AMDHD1: variants seen among roughly 807,000 people sequenced by gnomAD.
AMDHD1 encodes probable imidazolonepropionase.
A neutral mutation model predicts 44.1 loss-of-function variants in AMDHD1; 45 were observed. The ratio of observed to expected loss-of-function variants is 1.02; its 90% CI spans 0.80 to 1.31. The LOEUF (loss-of-function observed/expected upper bound fraction) is 1.31. AMDHD1 is among the 50% of genes most tolerant of loss of function. AMDHD1 has a pLI of 0.00. For missense variants in AMDHD1, 586 were observed against 552.1 expected, an observed-to-expected ratio of 1.06 and a Z score of -0.61; for synonymous variants, 206 against 205.0, an observed-to-expected ratio of 1.00 and a Z score of -0.04.
At chr12:95,964,365 G>C (rs2080598150) in intron 6 of AMDHD1, among the ~76,000 whole-genome samples, 2 of 152,248 alleles carry the variant, frequency 1.3e-5, no homozygotes, top group Non-Finnish European at 2.9e-5. Flanking sequence ...ATTGCCTTAT[G>C]CTACTTAAGG....
chr12:95,943,451 T>A lies in AMDHD1; in HGVS notation c.53T>A (p.Val18Glu). ...GAGAACGCGCAGCAAGTGGTGCTGG[T>A]GTGCGCCCGCGGCGAGCGCTTCCTG... ...LLENAQQVVLVCARGERFLAR... is the reference protein window; with the variant it reads ...LLENAQQVVLECARGERFLAR... Residue 18 changes from valine (V) to glutamate (E), a missense_variant, in exon 1 of 9, where the codon GTG becomes GAG. By Grantham distance (121) the Val-to-Glu change is moderately radical (BLOSUM62 -2). Coordinates refer to ENST00000266736, the MANE Select transcript of AMDHD1 (RefSeq NM_152435.3). The A allele has an allele frequency of 6.6e-7, 1 of 1,505,588 alleles. No individual in the cohort carries two copies. Among genetic ancestry groups the A allele is most frequent in the Non-Finnish European group, 8.8e-7 (1 of 1,132,396 alleles). 93.3% of individuals were successfully genotyped at this position (1,505,588 alleles called of 1,614,324 possible).
Position 95,956,739 on chromosome 12 carries a change from A to G in AMDHD1, c.364A>G (p.Thr122Ala). The G allele has an allele frequency of 6.2e-7, 1 of 1,614,100 alleles. No homozygotes were observed. Among genetic ancestry groups the G allele is most frequent in the Non-Finnish European group, 8.5e-7 (1 of 1,180,032 alleles). ...IHQAGGGIHF[T>A]VERTRQATEE... ...CCAGGCCGGAGGAGGGATCCACTTTACCGTGGAGCGCACGCGCCAAGCCAC... is the reference window on the plus strand; with the variant it reads ...CCAGGCCGGAGGAGGGATCCACTTTGCCGTGGAGCGCACGCGCCAAGCCAC... Residue 122 changes from threonine (T) to alanine (A), a missense_variant, in exon 4 of 9, where the codon ACC becomes GCC. Coordinates refer to ENST00000266736, the MANE Select transcript of AMDHD1 (RefSeq NM_152435.3).
intron 3 of AMDHD1, 90 bp from the exon 4 acceptor site, chr12:95,956,595 A>G (rs1045688478): frequency 4.4e-5 from 68 of 1,529,488 alleles, no homozygotes; most frequent in Non-Finnish European, 5.9e-5. Context: ...CTTCTTAATC[A>G]TTATATAATA....
chr12:95,945,543 A>G (rs909871093), intron 1 of AMDHD1, among the ~76,000 whole-genome samples: 8 of 152,220 alleles, frequency 5.3e-5, no homozygotes, highest in Non-Finnish European at 8.8e-5. Flanking sequence ...GAATGTTTTA[A>G]GGTAAAAGTG....
intron 1 of AMDHD1, among the ~76,000 whole-genome samples, chr12:95,949,663 T>G (rs2080517988): frequency 6.6e-6 from 1 of 152,236 alleles, no homozygotes. Context: ...GCAAATAGAA[T>G]CACATAAAAA....
At chr12:95,966,602 C>G in intron 8 of AMDHD1, 94 bp downstream of exon 8, 1 of 1,450,148 alleles carries the variant, frequency 6.9e-7, no homozygotes, top group East Asian at 2.3e-5. Context: ...TAGTGTCAGA[C>G]TCTGTCTGGA....
At chr12:95,964,050 A>AAAAAAAAAAT (rs1460823354) in intron 6 of AMDHD1, among the ~76,000 whole-genome samples, 2 of 148,052 alleles carry the variant, frequency 1.4e-5, no homozygotes, top group East Asian at 2.1e-4. Flanking sequence ...AAAAAAAAAA[A>AAAAAAAAAAT]GGCCTTTCTT....
At chr12:95,943,782 T>A (rs1002685479) in intron 1 of AMDHD1, among the ~76,000 whole-genome samples, 15 of 152,192 alleles carry the variant, frequency 9.9e-5, no homozygotes, top group Admixed American at 9.8e-4. Context: ...TGGTAAAATA[T>A]CACTGTCCAA....
Position 95,954,958 on chromosome 12 carries a change from C to A in AMDHD1, c.292C>A (p.His98Asn). 1 of 1,614,066 alleles carries A rather than the reference C, an allele frequency of 6.2e-7. No individual in the cohort carries two copies. Among genetic ancestry groups the A allele is most frequent in the Non-Finnish European group, 8.5e-7 (1 of 1,179,986 alleles). The change falls in exon 3 of 9, where the codon CAC becomes AAC. Residue 98 changes from histidine to asparagine, a missense_variant. By Grantham distance (68) the His-to-Asn change is moderately conservative. Transcript: ENST00000266736. The part of the protein sequence containing the change: ...THPVWAGERV[H>N]EFAMKLAGAT... ...TCCAGTATGGGCTGGTGAAAGAGTT[C>A]ACGAATTTGCAATGAAGGTAACTGC...
chr12:95,943,714 C>T (rs1380607827), intron 1 of AMDHD1, among the ~76,000 whole-genome samples, 179 bp downstream of exon 1: 1 of 152,178 alleles, frequency 6.6e-6, no homozygotes, highest in Non-Finnish European at 1.5e-5. Flanking sequence ...GTTGTCATTC[C>T]GTCCAAAGAG....
Position 95,943,508 on chromosome 12 carries a change from T to C in AMDHD1, c.110T>C (p.Leu37Pro). 6.7e-7 allele frequency: 1 copy of C among 1,492,058 alleles called. No homozygotes were observed. Among genetic ancestry groups the C allele is most frequent in the Non-Finnish European group, 8.9e-7 (1 of 1,123,988 alleles). 92.4% of individuals were successfully genotyped at this position (1,492,058 alleles called of 1,614,324 possible). The change falls in exon 1 of 9, where the codon CTG becomes CCG. Residue 37 changes from leucine to proline, a missense_variant. Leu to Pro is a moderately conservative substitution (Grantham distance 98). Coordinates refer to ENST00000266736, the MANE Select transcript of AMDHD1 (RefSeq NM_152435.3). Reference sequence around the variant, plus strand: ...GATGCGCTGCGCAGCCTGGCGGTGCTGGAAGGCGCCAGCCTGGTGGTGGGC... The same window carrying C: ...GATGCGCTGCGCAGCCTGGCGGTGCCGGAAGGCGCCAGCCTGGTGGTGGGC... ...ARDALRSLAV[L>P]EGASLVVGKD...
At position 95,943,516 on chromosome 12, in the gene AMDHD1, G is replaced by T; in HGVS notation, c.118G>T (p.Ala40Ser). 6.7e-7 allele frequency: 1 copy of T among 1,482,842 alleles called. No homozygotes were observed. 91.9% of individuals were successfully genotyped at this position (1,482,842 alleles called of 1,614,324 possible). Residue 40 changes from alanine (A) to serine (S), a missense_variant, in exon 1 of 9, where the codon GCC becomes TCC. By Grantham distance (99) the Ala-to-Ser change is moderately conservative. Transcript: ENST00000266736. Reference sequence around the variant, plus strand: ...GCGCAGCCTGGCGGTGCTGGAAGGCGCCAGCCTGGTGGTGGGCAAGTAAGT... The same window carrying T: ...GCGCAGCCTGGCGGTGCTGGAAGGCTCCAGCCTGGTGGTGGGCAAGTAAGT... The part of the protein sequence containing the change: ...ALRSLAVLEG[A>S]SLVVGKDGFI...
At chr12:95,957,011 G>A (rs1483484010) in intron 4 of AMDHD1, 49 bp downstream of exon 4, 2 of 1,602,320 alleles carry the variant, frequency 1.2e-6, no homozygotes, top group Non-Finnish European at 1.7e-6. Context: ...CATTGAAAAC[G>A]AACCCCGGGG....
At chr12:95,952,418 G>A (rs1422260018) in intron 1 of AMDHD1, among the ~76,000 whole-genome samples, 1 of 152,094 alleles carries the variant, frequency 6.6e-6, no homozygotes, top group African/African-American at 2.4e-5. Context: ...CTATGTGTCT[G>A]TTTTTTATGC....
chr12:95,962,479 G>C lies in AMDHD1; in HGVS notation c.938G>C (p.Arg313Thr). Reference sequence around the variant, plus strand: ...CTGCCCACCACAGCCTACATGCTGAGGTAAGGTCGTTTCTCACCCCAGACC... The same window carrying C: ...CTGCCCACCACAGCCTACATGCTGACGTAAGGTCGTTTCTCACCCCAGACC... ...ILLPTTAYML[R>T]LKQPRARKML... The change falls in exon 6 of 9, where the codon AGA (arginine) becomes ACA (threonine). Residue 313 changes from arginine (R) to threonine (T), a missense_variant and splice_region_variant. Transcript: ENST00000266736. The C allele has an allele frequency of 6.3e-7, 1 of 1,575,420 alleles. No homozygotes were observed. The highest frequency in any genetic ancestry group is 8.6e-7 in the Non-Finnish European group (1 of 1,166,852).
intron 1 of AMDHD1, among the ~76,000 whole-genome samples, chr12:95,947,754 G>T (rs1195065325): frequency 2.3e-5 from 2 of 86,434 alleles, no homozygotes; most frequent in African/African-American, 9.1e-5. Flanking sequence ...CCCCGTCCGG[G>T]AGGGAGGTGG....
At position 95,965,679 on chromosome 12, in the gene AMDHD1, C is replaced by G; in HGVS notation, c.939-7C>G. The G allele has an allele frequency of 6.2e-7, 1 of 1,604,386 alleles. No individual in the cohort carries two copies. The highest frequency in any genetic ancestry group is 8.5e-7 in the Non-Finnish European group (1 of 1,175,668). On this transcript the variant is annotated splice_region_variant and splice_polypyrimidine_tract_variant and intron_variant, in intron 6 of 8. Coordinates refer to ENST00000266736, the MANE Select transcript of AMDHD1 (RefSeq NM_152435.3). ...TAGAGACTGACATATTTTTTTCCTC[C>G]CCTTAGACTGAAACAACCTCGAGCC... is the stretch of plus-strand genomic sequence containing the variant.
In AMDHD1 at chr12:95,966,421, A is replaced by G. The variant is rs79677920; in HGVS notation, c.1106A>G (p.Asn369Ser). ...MPEALAAATI[N>S]AAYALGKSHT... ...GAGGCCTTGGCCGCTGCCACCATCA[A>G]TGCAGCTTATGCACTGGGAAAGTCT... The change falls in exon 8 of 9, where the codon AAT becomes AGT. Residue 369 changes from asparagine to serine, a missense_variant. Asn to Ser is a conservative substitution (Grantham distance 46, BLOSUM62 1). Transcript: ENST00000266736. 1.7e-5 allele frequency: 28 copies of G among 1,614,218 alleles called. No individual in the cohort carries two copies. Among genetic ancestry groups the G allele is most frequent in the South Asian group, 4.4e-5 (4 of 91,086 alleles).
chr12:95,943,514 G>A lies in AMDHD1; in HGVS notation c.116G>A (p.Gly39Asp). The A allele has an allele frequency of 2.0e-6, 3 of 1,484,304 alleles. No individual in the cohort carries two copies. Among genetic ancestry groups the A allele is most frequent in the Middle Eastern group, 1.7e-4 (1 of 5,742 alleles). 91.9% of individuals were successfully genotyped at this position (1,484,304 alleles called of 1,614,324 possible). The change falls in exon 1 of 9, where the codon GGC becomes GAC. Residue 39 changes from glycine to aspartate, a missense_variant. By Grantham distance (94) the Gly-to-Asp change is moderately conservative. Coordinates refer to ENST00000266736, the MANE Select transcript of AMDHD1 (RefSeq NM_152435.3). ...CTGCGCAGCCTGGCGGTGCTGGAAG[G>A]CGCCAGCCTGGTGGTGGGCAAGTAA... ...DALRSLAVLE[G>D]ASLVVGKDGF...
Sources: allele counts gnomAD v4.1 joint callset (sites outside exome capture counted in the v4.1 genomes callset), GRCh38; gene constraint gnomAD v4.1.1; transcripts MANE v1.5; gene names NCBI Gene and HGNC (gene_info 2026-07-23, HGNC 2026-07-21).